THSD4: variants seen among roughly 807,000 people sequenced by gnomAD.
THSD4 encodes thrombospondin type 1 domain containing 4.
In THSD4, 69 loss-of-function variants were observed where a neutral mutation model predicts 119.0. The ratio of observed to expected loss-of-function variants is 0.58; its 90% CI spans 0.48 to 0.71. THSD4 has a LOEUF of 0.71. THSD4 is among the 30% of genes least tolerant of loss of function. THSD4 has a pLI of 0.00. For missense variants in THSD4, 1,393 were observed against 1,391.1 expected (o/e 1.00, Z -0.02); for synonymous variants, 524 against 540.4 (o/e 0.97, Z 0.42).
intron 8 of THSD4, among the ~76,000 whole-genome samples, chr15:71,703,485 C>A (rs2052332713): frequency 6.6e-6 from 1 of 152,162 alleles, no homozygotes; most frequent in African/African-American, 2.4e-5. Context: ...CTCAATCATT[C>A]CTGGTTAGTG....
rs1344451139 is a variant in THSD4 at position 71,249,284 on chromosome 15, CATG to C, written c.912+6191_912+6193del. On this transcript the variant is annotated intron_variant, in intron 5 of 17. Coordinates refer to ENST00000261862, the MANE Select transcript of THSD4 (RefSeq NM_024817.3). Reference sequence around the variant, plus strand: ...AGAATTGTTAACAGTTGTCATTTTTCATGATTATAGAAAGTTGTTCTCTTATTG... The same window carrying C: ...AGAATTGTTAACAGTTGTCATTTTTCATTATAGAAAGTTGTTCTCTTATTG... Among the ~76,000 whole-genome samples the C allele has an allele frequency of 2.6e-5, 4 of 151,856 alleles. No individual in the cohort carries two copies. In the East Asian group the frequency reaches 5.8e-4, roughly 22 times the overall value.
At chr15:71,487,869 C>T (rs907582880) in intron 7 of THSD4, among the ~76,000 whole-genome samples, 1 of 151,910 alleles carries the variant, frequency 6.6e-6, no homozygotes, top group African/African-American at 2.4e-5. Context: ...ATTTTATATA[C>T]TTTATCTTCA....
intron 7 of THSD4, among the ~76,000 whole-genome samples, chr15:71,464,171 T>C (rs973185167): frequency 6.6e-6 from 1 of 152,238 alleles, no homozygotes; most frequent in Non-Finnish European, 1.5e-5. Context: ...CAGTCCACTC[T>C]GGCTCAGTCC....
At chr15:71,369,219 A>G (rs1466751327) in intron 6 of THSD4, among the ~76,000 whole-genome samples, 1 of 152,222 alleles carries the variant, frequency 6.6e-6, no homozygotes, top group East Asian at 1.9e-4. Flanking sequence ...CAATCATGTC[A>G]TCTGCAAACA....
In THSD4 at chr15:71,660,705, C is replaced by T. The variant is rs767316146; in HGVS notation, c.1328C>T (p.Thr443Met). Reference protein sequence around the residue: ...IPEGATKINITEMYKSNNYLA... With the variant: ...IPEGATKINIMEMYKSNNYLA... ...GAGGGAGCCACGAAAATCAACATCA[C>T]GGAGATGTACAAGAGCAACAACTAT... Residue 443 changes from threonine to methionine, a missense_variant, in exon 8 of 18, where the codon ACG (threonine) becomes ATG (methionine). Transcript: ENST00000261862. 12 of 1,614,118 alleles carry T rather than the reference C, an allele frequency of 7.4e-6. No homozygotes were observed. Among genetic ancestry groups the T allele is most frequent in the Admixed American group, 6.7e-5 (4 of 60,028 alleles).
At chr15:71,704,381 C>G (rs1236788590) in intron 8 of THSD4, among the ~76,000 whole-genome samples, 2 of 152,180 alleles carry the variant, frequency 1.3e-5, no homozygotes, top group African/African-American at 4.8e-5. Context: ...GGGGACAGGT[C>G]TTCCCTTGCT....
In THSD4 at chr15:71,538,071, T is replaced by G. The variant is rs559013936; in HGVS notation, c.1153-122459T>G. Among the ~76,000 whole-genome samples the G allele has an allele frequency of 7.9e-5, 12 of 152,302 alleles. No homozygotes were observed. The South Asian group carries it at 2.5e-3, about 32-fold the overall frequency. ...CACCGTGCCCAGCCTATTTGTCTTT[T>G]AATTCTGTTTATGATATTTTCAACT... On this transcript the variant is annotated intron_variant, in intron 7 of 17. Transcript: ENST00000261862.
intron 7 of THSD4, among the ~76,000 whole-genome samples, chr15:71,646,293 C>G (rs1231321639): frequency 1.3e-5 from 2 of 152,230 alleles, no homozygotes; most frequent in Non-Finnish European, 2.9e-5. Flanking sequence ...GCACACTTTT[C>G]TTATGGAACC....
chr15:71,506,749 C>T (rs1018882726), intron 7 of THSD4, among the ~76,000 whole-genome samples: 3 of 152,180 alleles, frequency 2.0e-5, no homozygotes, highest in African/African-American at 7.2e-5. Context: ...TGAACTGGCC[C>T]AAGGCTACTG....
chr15:71,344,002 G>A (rs1158261018), intron 6 of THSD4, among the ~76,000 whole-genome samples: 2 of 151,242 alleles, frequency 1.3e-5, no homozygotes, highest in East Asian at 2.0e-4. Flanking sequence ...TGGGGGTGGG[G>A]GTTACAGGCG....
intron 6 of THSD4, among the ~76,000 whole-genome samples, chr15:71,409,424 G>A (rs991395468): frequency 6.6e-6 from 1 of 152,216 alleles, no homozygotes; most frequent in African/African-American, 2.4e-5. Context: ...GAGAAAGCAA[G>A]TTGTAGGAGA....
chr15:71,389,510 T>C (rs2046343070), intron 6 of THSD4, among the ~76,000 whole-genome samples: 1 of 151,906 alleles, frequency 6.6e-6, no homozygotes, highest in Non-Finnish European at 1.5e-5. Context: ...TGTATGTTTA[T>C]ATCACATTGT....
chr15:71,134,610 C>G (rs1352863614), intron 1 of THSD4, among the ~76,000 whole-genome samples: 1 of 152,248 alleles, frequency 6.6e-6, no homozygotes, highest in Non-Finnish European at 1.5e-5. Flanking sequence ...CATGCCCGCC[C>G]TGTGTCGGCA....
intron 7 of THSD4, among the ~76,000 whole-genome samples, chr15:71,596,175 G>T (rs2049903198): frequency 6.6e-6 from 1 of 152,216 alleles, no homozygotes; most frequent in African/African-American, 2.4e-5. Context: ...ATCACTGTCT[G>T]TGGTGGTTGA....
At position 71,664,181 on chromosome 15, in the gene THSD4, A is replaced by G. The variant is rs369114056; in HGVS notation, c.1357+3447A>G. 7.9e-5 allele frequency among the ~76,000 whole-genome samples: 12 copies of G among 151,868 alleles called. 1 individual carries two copies. The highest frequency in any genetic ancestry group is 7.2e-4 in the Admixed American group (11 of 15,258). On this transcript the variant is annotated intron_variant, in intron 8 of 17. Transcript: ENST00000261862. ...GTATTTTTAGTAGAGATGGGGTTTC[A>G]CCGTGTTAGCCAGGATGGTCTCGAT...
chr15:71,182,595 G>A (rs1391434156), intron 3 of THSD4, among the ~76,000 whole-genome samples: 3 of 151,692 alleles, frequency 2.0e-5, no homozygotes, highest in Admixed American at 6.6e-5. Flanking sequence ...TTCCCACTAT[G>A]TTATGTTTCC....
intron 4 of THSD4, among the ~76,000 whole-genome samples, chr15:71,220,567 G>T (rs2043966748): frequency 6.6e-6 from 1 of 152,066 alleles, no homozygotes; most frequent in South Asian, 2.1e-4. Flanking sequence ...ATATTGCCTG[G>T]CCCATAGTGG....
At chr15:71,712,238 CAT>C (rs1177642628) in intron 8 of THSD4, among the ~76,000 whole-genome samples, 1 of 151,968 alleles carries the variant, frequency 6.6e-6, no homozygotes, top group East Asian at 1.9e-4. Flanking sequence ...TAAAAAATAA[CAT>C]AGGAATGAAA....
Position 71,394,878 on chromosome 15 carries a change from C to T in THSD4, c.1016-16809C>T, listed in dbSNP as rs376293519. On this transcript the variant is annotated intron_variant, in intron 6 of 17. Coordinates refer to ENST00000261862, the MANE Select transcript of THSD4 (RefSeq NM_024817.3). ...TGTGAGTCCCTCTGACATCTCCACCCGCTTCTACTCAGCACTAGACAGATA... is the reference window on the plus strand; with the variant it reads ...TGTGAGTCCCTCTGACATCTCCACCTGCTTCTACTCAGCACTAGACAGATA... Among the ~76,000 whole-genome samples the T allele has an allele frequency of 1.1e-4, 16 of 152,302 alleles. No individual in the cohort carries two copies. In the East Asian group the frequency reaches 1.2e-3, roughly 11 times the overall value.
Sources: gnomAD v4.1 joint callset for allele counts (sites outside exome capture counted in the v4.1 genomes callset) on GRCh38, gnomAD v4.1.1 for gene constraint, MANE v1.5 for transcripts, NCBI Gene and HGNC (gene_info 2026-07-23, HGNC 2026-07-21) for gene names.